The following IQGAP2 variants were observed in gnomAD, a reference collection of about 807,000 sequenced individuals.
IQGAP2 encodes ras GTPase-activating-like protein IQGAP2.
In IQGAP2, 173 loss-of-function variants were observed where a neutral mutation model predicts 201.3. The ratio of observed to expected loss-of-function variants is 0.86; its 90% confidence interval spans 0.76 to 0.98. IQGAP2 has a LOEUF of 0.98. Among genes scored for constraint, IQGAP2 ranks in the 50% least tolerant of loss-of-function variants. The pLI is 0.00. For synonymous variants in IQGAP2, 675 were observed against 673.9 expected (o/e 1.00, Z -0.03); for missense variants, 1,687 against 1,864.8 (o/e 0.90, Z 1.76).
intron 13 of IQGAP2, among the ~76,000 whole-genome samples, chr5:76,622,336 C>G (rs943651946): frequency 6.6e-6 from 1 of 152,176 alleles, no homozygotes. Context: ...TGCTAATCAC[C>G]ACAGATTCTC....
At chr5:76,450,051 A>G (rs1444125866) in intron 1 of IQGAP2, among the ~76,000 whole-genome samples, 1 of 152,224 alleles carries the variant, frequency 6.6e-6, no homozygotes, top group Non-Finnish European at 1.5e-5. Context: ...ACTTGGGACC[A>G]TTTACTTTCT....
At chr5:76,585,090 A>T (rs186898917) in intron 5 of IQGAP2, among the ~76,000 whole-genome samples, 106 of 152,352 alleles carry the variant, frequency 7.0e-4, no homozygotes, top group African/African-American at 2.4e-3. Flanking sequence ...GGATATAATT[A>T]AAAAAGCATG....
chr5:76,699,246 C>T (rs1747038862), intron 33 of IQGAP2: 1 of 152,202 alleles, frequency 6.6e-6, no homozygotes. Context: ...GCCTATTTCA[C>T]TTAGCATAGT....
At chr5:76,578,052 C>T (rs1024501317) in intron 5 of IQGAP2, among the ~76,000 whole-genome samples, 3 of 152,168 alleles carry the variant, frequency 2.0e-5, no homozygotes, top group African/African-American at 7.2e-5. Flanking sequence ...CTCCTATTCC[C>T]TGTCATCTTG....
chr5:76,579,248 T>C (rs1745674816), intron 5 of IQGAP2, among the ~76,000 whole-genome samples: 1 of 152,130 alleles, frequency 6.6e-6, no homozygotes, highest in African/African-American at 2.4e-5. Context: ...ATTATATTAT[T>C]TTGATACCTA....
intron 11 of IQGAP2, among the ~76,000 whole-genome samples, chr5:76,601,661 G>A (rs1230138456): frequency 1.3e-5 from 2 of 152,170 alleles, no homozygotes; most frequent in Non-Finnish European, 2.9e-5. Context: ...AACCACCAGG[G>A]GGAGATGTCT....
rs996232894 is a variant in IQGAP2 at position 76,647,504 on chromosome 5, T to G, written c.2095-5246T>G. On this transcript the variant is annotated intron_variant, in intron 17 of 35. Transcript: ENST00000274364. ...GGCGGTTTCCCCCATACTGTTCTTG[T>G]GGTAGTGAATAAGTCTCATGAGATG... is the stretch of plus-strand genomic sequence containing the variant. Among the ~76,000 whole-genome samples the G allele has an allele frequency of 7.4e-4, 84 of 113,746 alleles. 1 individual carries two copies. Among genetic ancestry groups the G allele is most frequent in the African/African-American group, 3.0e-3 (82 of 27,772 alleles). 74.6% of individuals were successfully genotyped at this position (113,746 alleles called of 152,430 possible).
chr5:76,622,067 C>T (rs773591312), intron 13 of IQGAP2, among the ~76,000 whole-genome samples: 7 of 152,118 alleles, frequency 4.6e-5, no homozygotes, highest in Non-Finnish European at 7.4e-5. Flanking sequence ...AAAACCACAA[C>T]GAAATAAGGC....
At chr5:76,609,178 A>G (rs1378574967) in intron 12 of IQGAP2, 1 of 1,535,994 alleles carries the variant, frequency 6.5e-7, no homozygotes, top group African/African-American at 1.4e-5. Context: ...ACTCACTTCC[A>G]GGTGATCGGC....
chr5:76,498,750 T>G (rs1218789566), intron 2 of IQGAP2, among the ~76,000 whole-genome samples: 3 of 152,238 alleles, frequency 2.0e-5, no homozygotes, highest in Non-Finnish European at 4.4e-5. Context: ...TTAGTTGAGC[T>G]TACCTGGTGT....
chr5:76,565,747 A>G (rs1216178974), intron 3 of IQGAP2, among the ~76,000 whole-genome samples: 1 of 152,230 alleles, frequency 6.6e-6, no homozygotes, highest in African/African-American at 2.4e-5. Flanking sequence ...AAAGGATTCC[A>G]TTCCTTTTCT....
At chr5:76,547,878 G>T (rs1445509353) in intron 2 of IQGAP2, among the ~76,000 whole-genome samples, 1 of 152,146 alleles carries the variant, frequency 6.6e-6, no homozygotes, top group Non-Finnish European at 1.5e-5. Flanking sequence ...TTATTTTCCT[G>T]CAGGGTGTCA....
At chr5:76,436,083 T>C (rs1372141053) in intron 1 of IQGAP2, among the ~76,000 whole-genome samples, 1 of 152,224 alleles carries the variant, frequency 6.6e-6, no homozygotes, top group Non-Finnish European at 1.5e-5. Context: ...CCTGAGACTT[T>C]ACTGAACGCA....
chr5:76,445,992 A>G (rs925552602), intron 1 of IQGAP2, among the ~76,000 whole-genome samples: 1 of 152,212 alleles, frequency 6.6e-6, no homozygotes, highest in African/African-American at 2.4e-5. Context: ...CTCAAGGTTT[A>G]TCCACACTGT....
intron 21 of IQGAP2, among the ~76,000 whole-genome samples, chr5:76,662,204 C>T (rs1236966177): frequency 6.6e-6 from 1 of 152,234 alleles, no homozygotes; most frequent in African/African-American, 2.4e-5. Flanking sequence ...CTGTGCCGGG[C>T]TCTGTCCTTG....
chr5:76,413,975 C>T (rs1267691685), intron 1 of IQGAP2, among the ~76,000 whole-genome samples: 2 of 152,166 alleles, frequency 1.3e-5, no homozygotes, highest in African/African-American at 4.8e-5. Flanking sequence ...TCCCTCAGGC[C>T]TCACCGCCTC....
At chr5:76,649,419 ACTACAGATAGCTCT>A (rs773550803) in intron 17 of IQGAP2, among the ~76,000 whole-genome samples, 2 of 152,258 alleles carry the variant, frequency 1.3e-5, no homozygotes, top group Non-Finnish European at 2.9e-5. Flanking sequence ...TCAAAGAATG[ACTACAGATAGCTCT>A]CTAAACCAAA....
intron 11 of IQGAP2, among the ~76,000 whole-genome samples, chr5:76,605,485 C>T (rs1018509325): frequency 3.9e-5 from 6 of 152,156 alleles, no homozygotes; most frequent in African/African-American, 9.7e-5. Context: ...TGAGCCACCA[C>T]GCCAGGCCTA....
Position 76,597,873 on chromosome 5 carries a change from G to C in IQGAP2, c.1071+271G>C, listed in dbSNP as rs138276768. Reference sequence around the variant, plus strand: ...AATAGGTTGTTCTTATTTTCTGTGTGATATTTGAAGACACCTTGGATAAAT... The same window carrying C: ...AATAGGTTGTTCTTATTTTCTGTGTCATATTTGAAGACACCTTGGATAAAT... On this transcript the variant is annotated intron_variant, in intron 10 of 35. Coordinates refer to ENST00000274364, the MANE Select transcript of IQGAP2 (RefSeq NM_006633.5). 3.9e-4 allele frequency among the ~76,000 whole-genome samples: 59 copies of C among 152,314 alleles called. 1 individual carries two copies. Among genetic ancestry groups the C allele is most frequent in the Non-Finnish European group, 6.9e-4 (47 of 68,028 alleles).
Sources: allele counts gnomAD v4.1 joint callset (sites outside exome capture counted in the v4.1 genomes callset), GRCh38; gene constraint gnomAD v4.1.1; transcripts MANE v1.5; gene names NCBI Gene and HGNC (gene_info 2026-07-23, HGNC 2026-07-21).